Variants in FARP1 observed in about 807,000 individuals in gnomAD.
FARP1 encodes FERM, ARH/RhoGEF and pleckstrin domain protein 1.
In FARP1, 52 loss-of-function variants were observed where a neutral mutation model predicts 128.8. That is an observed-to-expected ratio of 0.40 (90% CI 0.32 to 0.51). FARP1 has a LOEUF of 0.51. Ranked by LOEUF, FARP1 falls within the 20% of genes least tolerant of loss-of-function variation. The probability of loss-of-function intolerance (pLI) is 0.45; values close to 1 mark genes in which losing one functional copy is unlikely to be tolerated. For synonymous variants in FARP1, 580 were observed against 551.8 expected (o/e 1.05, Z -0.72); for missense variants, 1,333 against 1,367.9 (o/e 0.97, Z 0.40).
intron 2 of FARP1, among the ~76,000 whole-genome samples, chr13:98,299,309 A>G (rs1367298698): frequency 2.0e-5 from 3 of 151,984 alleles, no homozygotes; most frequent in Non-Finnish European, 4.4e-5. Context: ...CTTCCTCTCT[A>G]TCCTCACACC....
chr13:98,250,536 C>T (rs1883272340), intron 2 of FARP1, among the ~76,000 whole-genome samples: 1 of 152,080 alleles, frequency 6.6e-6, no homozygotes. Context: ...GCGTGGCTAA[C>T]ATGGTGAAAC....
chr13:98,341,144 T>TAA (rs66470261), intron 2 of FARP1: 321 of 147,090 alleles, frequency 2.2e-3, no homozygotes, highest in African/African-American at 6.2e-3. Flanking sequence ...CGGCATCTGT[T>TAA]AAAAAAAAAA....
At chr13:98,447,388 T>G (rs1892914870) in intron 26 of FARP1, 1 of 152,644 alleles carries the variant, frequency 6.6e-6, no homozygotes, top group Non-Finnish European at 1.5e-5. Context: ...TTCTCAAATC[T>G]GATCCTGGAC....
intron 5 of FARP1, among the ~76,000 whole-genome samples, chr13:98,376,623 T>G (rs533307335): frequency 9.2e-5 from 14 of 152,322 alleles, no homozygotes; most frequent in African/African-American, 2.9e-4. Flanking sequence ...TCCTTTCTTT[T>G]CGGTACACAC....
chr13:98,346,572 C>T (rs1158200195), intron 3 of FARP1, among the ~76,000 whole-genome samples: 1 of 151,674 alleles, frequency 6.6e-6, no homozygotes, highest in Non-Finnish European at 1.5e-5. Context: ...TAGTGAAACC[C>T]CATCTCTACT....
chr13:98,255,579 A>C (rs1464499712), intron 2 of FARP1, among the ~76,000 whole-genome samples: 1 of 152,202 alleles, frequency 6.6e-6, no homozygotes, highest in Non-Finnish European at 1.5e-5. Flanking sequence ...AAATATTATG[A>C]AACAATGCTC....
In FARP1 at chr13:98,349,672, G is replaced by GAAA. The variant is rs56376512; in HGVS notation, c.276+5834_276+5836dup. Among the ~76,000 whole-genome samples, 104 of 59,828 alleles carry GAAA rather than the reference G, an allele frequency of 1.7e-3. 1 individual carries two copies. The highest frequency in any genetic ancestry group is 5.5e-3 in the African/African-American group (82 of 14,844). The allele number at this position is 59,828 out of a possible 152,430, so 39.2% of individuals were successfully genotyped here. A position where few individuals can be genotyped will look rare whatever the true frequency, so the allele number is the denominator to read the frequency against. ...GCGACAGAGCAAGACCCATCTCAGGGAAAAAAAAAAAAAAAAAAAAAAAAA... is the reference window on the plus strand; with the variant it reads ...GCGACAGAGCAAGACCCATCTCAGGGAAAAAAAAAAAAAAAAAAAAAAAAAAAA... On this transcript the variant is annotated intron_variant, in intron 3 of 26. Transcript: ENST00000319562.
At chr13:98,377,453 G>T (rs190118551) in intron 5 of FARP1, among the ~76,000 whole-genome samples, 5 of 150,394 alleles carry the variant, frequency 3.3e-5, no homozygotes, top group African/African-American at 9.8e-5. Flanking sequence ...ATAAACTACT[G>T]TTATTGTCTG....
intron 21 of FARP1, 109 bp downstream of exon 21, chr13:98,439,305 G>A (rs1425254536): frequency 1.7e-5 from 12 of 715,102 alleles, no homozygotes; most frequent in African/African-American, 3.5e-5. Context: ...GAGGGAGAGG[G>A]TGGCTAGTGG....
At chr13:98,428,154 G>A (rs1181717032) in intron 17 of FARP1, among the ~76,000 whole-genome samples, 1 of 150,022 alleles carries the variant, frequency 6.7e-6, no homozygotes, top group East Asian at 2.0e-4. Context: ...ACACAACCAA[G>A]GGAGGGTAGT....
chr13:98,395,260 G>A lies in FARP1; in HGVS notation c.1198G>A (p.Gly400Ser). The A allele has an allele frequency of 6.2e-7, 1 of 1,604,962 alleles. No homozygotes were observed. The highest frequency in any genetic ancestry group is 1.3e-5 in the African/African-American group (1 of 74,886). ...GAGCACCAGCCTTACATTTGGAGAA[G>A]GTGCCGAATCTCCAGGGGGCCAGAG... ...QQSTSLTFGE[G>S]AESPGGQSCR... Residue 400 changes from glycine to serine, a missense_variant, in exon 13 of 27, where the codon GGT becomes AGT. By Grantham distance (56) the Gly-to-Ser change is moderately conservative. This residue lies in a region of FARP1 where 1,009 missense variants were observed against 969.8 expected (regional missense o/e 1.04). Coordinates refer to ENST00000319562, the MANE Select transcript of FARP1 (RefSeq NM_005766.4).
At chr13:98,327,603 T>G (rs1887291552) in intron 2 of FARP1, among the ~76,000 whole-genome samples, 1 of 152,172 alleles carries the variant, frequency 6.6e-6, no homozygotes, top group Non-Finnish European at 1.5e-5. Flanking sequence ...TGAGCCAGTT[T>G]AAAGGGAACT....
intron 3 of FARP1, among the ~76,000 whole-genome samples, chr13:98,346,170 G>A (rs1888168322): frequency 1.3e-5 from 2 of 148,710 alleles, no homozygotes; most frequent in South Asian, 4.3e-4. Context: ...ATTCCAGCCT[G>A]AGCTAATTGC....
At chr13:98,192,937 A>G (rs1242241153) in intron 1 of FARP1, among the ~76,000 whole-genome samples, 1 of 152,224 alleles carries the variant, frequency 6.6e-6, no homozygotes, top group Non-Finnish European at 1.5e-5. Context: ...CACAAGTTGT[A>G]TACGTGTCAC....
intron 5 of FARP1, among the ~76,000 whole-genome samples, chr13:98,375,312 T>C (rs1889534978): frequency 6.6e-6 from 1 of 152,198 alleles, no homozygotes; most frequent in African/African-American, 2.4e-5. Context: ...GTCAATAATT[T>C]CTTTAGAGTT....
intron 26 of FARP1, chr13:98,447,451 A>G (rs1228712402): frequency 6.6e-6 from 1 of 152,496 alleles, no homozygotes; most frequent in African/African-American, 2.4e-5. Flanking sequence ...GGATTTTGCT[A>G]TTATTGTGAC....
At chr13:98,333,470 CACACACACAA>C (rs1887602606) in intron 2 of FARP1, 2 of 151,452 alleles carry the variant, frequency 1.3e-5, no homozygotes, top group African/African-American at 5.0e-5. Context: ...CACACACACA[CACACACACAA>C]AATCTATCTT....
At chr13:98,161,580 AC>A (rs1364651020) in intron 1 of FARP1, among the ~76,000 whole-genome samples, 1 of 151,684 alleles carries the variant, frequency 6.6e-6, no homozygotes, top group African/African-American at 2.4e-5. Context: ...TTTCCTGTTG[AC>A]CTTTCTCTGA....
At position 98,431,278 on chromosome 13, in the gene FARP1, G is replaced by T. The variant is rs1458028855; in HGVS notation, c.2141G>T (p.Arg714Leu). The T allele has an allele frequency of 2.5e-6, 4 of 1,582,374 alleles. No homozygotes were observed. Among genetic ancestry groups the T allele is most frequent in the Non-Finnish European group, 3.4e-6 (4 of 1,164,758 alleles). ...AGCCACGCCGACTTCAGGGACTGCC[G>T]AGGTGAGTGCTGGGAGCCTGCGCCA... Reference protein sequence around the residue: ...PPSHADFRDCRAALAEITEMV... With the variant: ...PPSHADFRDCLAALAEITEMV... The change falls in exon 18 of 27, where the codon CGA becomes CTA. Residue 714 changes from arginine to leucine, a missense_variant and splice_region_variant. By Grantham distance (102) the Arg-to-Leu change is moderately radical (BLOSUM62 -2). This residue lies in a region of FARP1 where 1,009 missense variants were observed against 969.8 expected (regional missense o/e 1.04). Transcript: ENST00000319562.
Sources: gnomAD v4.1 joint callset for allele counts (sites outside exome capture counted in the v4.1 genomes callset) on GRCh38, gnomAD v4.1.1 for gene constraint, gnomAD v4.1.1 regional missense constraint, MANE v1.5 for transcripts, NCBI Gene and HGNC (gene_info 2026-07-23, HGNC 2026-07-21) for gene names.